The following SLC35F3 variants were observed in gnomAD, a reference collection of about 807,000 sequenced individuals.
SLC35F3 encodes putative thiamine transporter SLC35F3.
A neutral mutation model predicts 49.9 loss-of-function variants in SLC35F3; 25 were observed. That is an observed-to-expected ratio of 0.50 (90% CI 0.37 to 0.70). The LOEUF is 0.70. Ranked by LOEUF, SLC35F3 falls within the 30% of genes least tolerant of loss-of-function variation. The pLI is 0.00. For synonymous variants in SLC35F3, 275 were observed against 265.4 expected (o/e 1.04, Z -0.35); for missense variants, 525 against 639.8 (o/e 0.82, Z 1.94).
intron 2 of SLC35F3, among the ~76,000 whole-genome samples, chr1:234,217,120 A>G (rs1667134221): frequency 6.6e-6 from 1 of 152,216 alleles, no homozygotes; most frequent in African/African-American, 2.4e-5. Context: ...TTCTGTATGG[A>G]TGGCAGACAG....
chr1:233,997,122 A>G (rs1173739865), intron 2 of SLC35F3, among the ~76,000 whole-genome samples: 2 of 152,076 alleles, frequency 1.3e-5, no homozygotes, highest in Non-Finnish European at 2.9e-5. Context: ...CATTGCATAT[A>G]TACACCACAA....
chr1:234,236,629 A>G (rs931058964), intron 3 of SLC35F3, among the ~76,000 whole-genome samples: 9 of 152,092 alleles, frequency 5.9e-5, no homozygotes, highest in Non-Finnish European at 8.8e-5. Context: ...GAAAGAGAAG[A>G]CCCAGCAGTT....
At chr1:234,043,697 A>G (rs905083364) in intron 2 of SLC35F3, among the ~76,000 whole-genome samples, 6 of 152,232 alleles carry the variant, frequency 3.9e-5, no homozygotes, top group African/African-American at 1.4e-4. Flanking sequence ...TGAGAATGAT[A>G]TTTTATGACA....
In SLC35F3 at chr1:234,320,196, A is replaced by G; in HGVS notation, c.1237+9A>G. 1 of 1,607,262 alleles carries G rather than the reference A, an allele frequency of 6.2e-7. No homozygotes were observed. ...CATACCTGTGAATGCAGGTAAACCTATGCGGCTTTCTATATCTGCACATAA... is the reference window on the plus strand; with the variant it reads ...CATACCTGTGAATGCAGGTAAACCTGTGCGGCTTTCTATATCTGCACATAA... On this transcript the variant is annotated intron_variant, in intron 7 of 7. Coordinates refer to ENST00000366618, the MANE Select transcript of SLC35F3 (RefSeq NM_173508.4). This position sits in a 1 kb window ranked among gnomAD's most constrained non-coding sequence, Gnocchi z 4.8.
At position 234,061,047 on chromosome 1, in the gene SLC35F3, A is replaced by G. The variant is rs777822295; in HGVS notation, c.283+155289A>G. On this transcript the variant is annotated intron_variant, in intron 2 of 7. Transcript: ENST00000366618. Reference sequence around the variant, plus strand: ...CTTTATAATTACATAATTACTTTTAATGGCTTTTTGTGTGCATGTATTTTT... The same window carrying G: ...CTTTATAATTACATAATTACTTTTAGTGGCTTTTTGTGTGCATGTATTTTT... 8.5e-4 allele frequency among the ~76,000 whole-genome samples: 130 copies of G among 152,190 alleles called. 1 individual carries two copies. The highest frequency in any genetic ancestry group is 5.9e-4 in the Admixed American group (9 of 15,272).
At chr1:234,321,518 C>T (rs1055123016) in intron 7 of SLC35F3, among the ~76,000 whole-genome samples, 2 of 152,184 alleles carry the variant, frequency 1.3e-5, no homozygotes, top group Non-Finnish European at 2.9e-5. Flanking sequence ...CACTTGTCAC[C>T]GTCCTCCCCC....
intron 2 of SLC35F3, among the ~76,000 whole-genome samples, chr1:234,127,702 A>G (rs1665669688): frequency 6.6e-6 from 1 of 152,110 alleles, no homozygotes; most frequent in African/African-American, 2.4e-5. Context: ...CCATAATAAA[A>G]GCTGAGTATT....
chr1:234,111,269 G>A (rs1433849047), intron 2 of SLC35F3, among the ~76,000 whole-genome samples: 1 of 151,948 alleles, frequency 6.6e-6, no homozygotes, highest in African/African-American at 2.4e-5. Flanking sequence ...GACTTTGCTG[G>A]TGAAAAGGCC....
At chr1:234,026,645 G>A (rs1663983604) in intron 2 of SLC35F3, among the ~76,000 whole-genome samples, 1 of 152,160 alleles carries the variant, frequency 6.6e-6, no homozygotes, top group South Asian at 2.1e-4. Flanking sequence ...TATTCTGGGA[G>A]GCTAAGGTGA....
chr1:234,184,763 T>A (rs1666609656), intron 2 of SLC35F3, among the ~76,000 whole-genome samples: 1 of 152,188 alleles, frequency 6.6e-6, no homozygotes, highest in Non-Finnish European at 1.5e-5. Context: ...GAGCCCATGA[T>A]GAATAACTAT....
At chr1:233,969,487 C>T (rs1662958246) in intron 2 of SLC35F3, among the ~76,000 whole-genome samples, 2 of 152,146 alleles carry the variant, frequency 1.3e-5, no homozygotes, top group Non-Finnish European at 2.9e-5. Flanking sequence ...GTGTGGCCAC[C>T]TCCTGTCTGT....
At chr1:234,072,923 C>A (rs989827595) in intron 2 of SLC35F3, among the ~76,000 whole-genome samples, 2 of 152,104 alleles carry the variant, frequency 1.3e-5, no homozygotes, top group Non-Finnish European at 2.9e-5. Context: ...TGAAAAGAAT[C>A]ACTTTGGTTG....
intron 2 of SLC35F3, among the ~76,000 whole-genome samples, chr1:234,165,015 G>A (rs1666291768): frequency 6.7e-6 from 1 of 149,190 alleles, no homozygotes; most frequent in Non-Finnish European, 1.5e-5. Context: ...TGATTTCATG[G>A]TCAGCTTACC....
intron 3 of SLC35F3, among the ~76,000 whole-genome samples, chr1:234,287,325 T>C (rs1356130326): frequency 6.6e-6 from 1 of 151,650 alleles, no homozygotes; most frequent in East Asian, 1.9e-4. Flanking sequence ...TATACCCATA[T>C]GAGACATAAA....
intron 2 of SLC35F3, among the ~76,000 whole-genome samples, chr1:233,911,004 G>T (rs532820028): frequency 6.6e-6 from 1 of 152,146 alleles, no homozygotes; most frequent in Non-Finnish European, 1.5e-5. Flanking sequence ...CTGGGTGGAG[G>T]TTTTCTAGTT....
At chr1:234,084,251 A>T (rs1300580260) in intron 2 of SLC35F3, among the ~76,000 whole-genome samples, 1 of 151,012 alleles carries the variant, frequency 6.6e-6, no homozygotes, top group African/African-American at 2.4e-5. Flanking sequence ...ACACACACAC[A>T]ATTTTGTGTG....
At chr1:234,049,268 AAG>A (rs972429447) in intron 2 of SLC35F3, among the ~76,000 whole-genome samples, 1 of 152,160 alleles carries the variant, frequency 6.6e-6, no homozygotes, top group Non-Finnish European at 1.5e-5. Flanking sequence ...ATTATGTAAT[AAG>A]AGTGCTGCCC....
At chr1:234,065,706 A>G (rs182153767) in intron 2 of SLC35F3, among the ~76,000 whole-genome samples, 8 of 152,220 alleles carry the variant, frequency 5.3e-5, no homozygotes, top group Admixed American at 5.2e-4. Context: ...TTTTGAAAAT[A>G]AAACATTTCT....
chr1:234,165,244 T>A (rs556610980), intron 2 of SLC35F3, among the ~76,000 whole-genome samples: 2 of 152,324 alleles, frequency 1.3e-5, no homozygotes, highest in East Asian at 3.9e-4. Context: ...AATTTGCTTA[T>A]GAGTAGATAT....
Sources: gnomAD v4.1 joint callset for allele counts (sites outside exome capture counted in the v4.1 genomes callset) on GRCh38, gnomAD v4.1.1 for gene constraint, Gnocchi (gnomAD v3.1) non-coding constraint, MANE v1.5 for transcripts, NCBI Gene and HGNC (gene_info 2026-07-23, HGNC 2026-07-21) for gene names.